CAMSAP2: variants seen among roughly 807,000 people sequenced by gnomAD.
CAMSAP2 encodes calmodulin regulated spectrin associated protein family member 2, also known as calmodulin-regulated spectrin-associated protein 2.
A neutral mutation model predicts 146.1 loss-of-function variants in CAMSAP2; 26 were observed. The observed-to-expected ratio is 0.18, with a 90% CI of 0.13 to 0.25. The LOEUF is 0.25. Among genes scored for constraint, CAMSAP2 ranks in the 10% least tolerant of loss-of-function variants. CAMSAP2 has a pLI of 1.00. For missense variants in CAMSAP2, 1,381 were observed against 1,759.3 expected, an observed-to-expected ratio of 0.78 and a Z score of 3.85; for synonymous variants, 499 against 596.6, an observed-to-expected ratio of 0.84 and a Z score of 2.38.
chr1:200,848,127 G>A lies in CAMSAP2; in HGVS notation c.1358G>A (p.Ser453Asn). 6.2e-7 allele frequency: 1 copy of A among 1,612,782 alleles called. No homozygotes were observed. Among genetic ancestry groups the A allele is most frequent in the Non-Finnish European group, 8.5e-7 (1 of 1,179,352 alleles). The change falls in exon 11 of 17, where the codon AGT becomes AAT. Residue 453 changes from serine (S) to asparagine (N), a missense_variant. Physicochemically the swap from Ser to Asn is conservative, Grantham distance 46 (BLOSUM62 1). Transcript: ENST00000358823. Reference sequence around the variant, plus strand: ...AACCGAGGAATCACTCGTTCTATTAGTAATGAAGGACTTACTCTGAACAAC... The same window carrying A: ...AACCGAGGAATCACTCGTTCTATTAATAATGAAGGACTTACTCTGAACAAC... ...TPNRGITRSI[S>N]NEGLTLNNSH...
chr1:200,801,591 T>C, intron 2 of CAMSAP2, among the ~76,000 whole-genome samples: 1 of 152,264 alleles, frequency 6.6e-6, no homozygotes. Flanking sequence ...GTTTGGTCTT[T>C]TCACATAGTC....
intron 2 of CAMSAP2, among the ~76,000 whole-genome samples, chr1:200,787,377 G>A (rs897944499): frequency 2.1e-4 from 32 of 152,166 alleles, no homozygotes; most frequent in Admixed American, 5.9e-4. Flanking sequence ...CCAACTTTTA[G>A]GGATGACTTT....
chr1:200,791,244 G>C (rs1207414449), intron 2 of CAMSAP2, among the ~76,000 whole-genome samples: 2 of 152,154 alleles, frequency 1.3e-5, no homozygotes, highest in African/African-American at 4.8e-5. Flanking sequence ...ATTCTTATCA[G>C]ATTTCCTCTG....
At chr1:200,814,567 G>A (rs1342970729) in intron 3 of CAMSAP2, among the ~76,000 whole-genome samples, 1 of 126,130 alleles carries the variant, frequency 7.9e-6, no homozygotes, top group East Asian at 2.5e-4. Context: ...CTGACACAGT[G>A]CCACTGCACT....
chr1:200,832,148 C>T lies in CAMSAP2; in HGVS notation c.646-52C>T. On this transcript the variant is annotated intron_variant, in intron 4 of 16. Transcript: ENST00000358823. The surrounding 1 kb of genome is among the most constrained non-coding windows in gnomAD (Gnocchi z 4.2). Reference sequence around the variant, plus strand: ...AGAATTTACAGTACTGATTTTTTTCCTATGCGTTATTTGGTACTTATTTAT... The same window carrying T: ...AGAATTTACAGTACTGATTTTTTTCTTATGCGTTATTTGGTACTTATTTAT... 2 of 1,442,572 alleles carry T rather than the reference C, an allele frequency of 1.4e-6. No individual in the cohort carries two copies. The highest frequency in any genetic ancestry group is 1.9e-6 in the Non-Finnish European group (2 of 1,067,098). 89.4% of individuals were successfully genotyped at this position (1,442,572 alleles called of 1,614,324 possible).
In CAMSAP2 at chr1:200,832,477, A is replaced by G; in HGVS notation, c.787+136A>G. 1.1e-6 allele frequency: 1 copy of G among 898,720 alleles called. No homozygotes were observed. The highest frequency in any genetic ancestry group is 3.3e-5 in the Admixed American group (1 of 30,158). The allele number at this position is 898,720 out of a possible 1,614,324, so 55.7% of individuals were successfully genotyped here. ...AAAAAGACAATATTATTTAATAAGT[A>G]CTGAAGACTTTTTTTTAAAAATAAA... is the stretch of plus-strand genomic sequence containing the variant. On this transcript the variant is annotated intron_variant, in intron 5 of 16. Coordinates refer to ENST00000358823, the MANE Select transcript of CAMSAP2 (RefSeq NM_203459.4). This position sits in a 1 kb window ranked among gnomAD's most constrained non-coding sequence, Gnocchi z 4.2.
chr1:200,748,710 G>A (rs995417092), intron 1 of CAMSAP2, among the ~76,000 whole-genome samples: 12 of 149,760 alleles, frequency 8.0e-5, no homozygotes, highest in African/African-American at 2.0e-4. Context: ...CTCTGTATTC[G>A]TTATAAATTG....
chr1:200,779,748 A>AT (rs749021825), intron 2 of CAMSAP2, among the ~76,000 whole-genome samples: 105 of 151,164 alleles, frequency 6.9e-4, no homozygotes, highest in Non-Finnish European at 1.2e-3. Context: ...TTTTTTTCTG[A>AT]TTTTTTTTCC....
At chr1:200,831,814 C>T (rs1048964172) in intron 4 of CAMSAP2, among the ~76,000 whole-genome samples, 1 of 151,628 alleles carries the variant, frequency 6.6e-6, no homozygotes, top group Non-Finnish European at 1.5e-5. Flanking sequence ...TTGCTCTTCC[C>T]GTATAAGAAT....
rs146464998 is a variant in CAMSAP2, at chr1:200,830,140, G to A, written c.646-2060G>A. ...TACAAAAGACTCTTTCATGAACTGC[G>A]GATGAACCTTCTGAGTGCTGGACAT... On this transcript the variant is annotated intron_variant, in intron 4 of 16. Transcript: ENST00000358823. Among the ~76,000 whole-genome samples, 303 of 152,286 alleles carry A rather than the reference G, an allele frequency of 2.0e-3. 2 individuals carry two copies. In the Middle Eastern group the frequency reaches 0.02, roughly 10 times the overall value.
At chr1:200,815,955 G>T (rs1352714057) in intron 4 of CAMSAP2, among the ~76,000 whole-genome samples, 2 of 152,166 alleles carry the variant, frequency 1.3e-5, no homozygotes, top group East Asian at 3.8e-4. Flanking sequence ...AAATGTTCAG[G>T]CTTTATAATG....
chr1:200,842,997 A>G (rs191173190), intron 7 of CAMSAP2, among the ~76,000 whole-genome samples: 1 of 152,002 alleles, frequency 6.6e-6, no homozygotes, highest in East Asian at 1.9e-4. Context: ...AAAAAAAAAA[A>G]AAACTAGAGG....
intron 2 of CAMSAP2, among the ~76,000 whole-genome samples, chr1:200,780,139 A>G (rs1042152171): frequency 1.8e-4 from 28 of 152,334 alleles, no homozygotes; most frequent in African/African-American, 6.7e-4. Flanking sequence ...ATTTTGTTAA[A>G]AAGCATTATT....
chr1:200,755,153 A>G (rs982827431), intron 1 of CAMSAP2, among the ~76,000 whole-genome samples: 4 of 152,182 alleles, frequency 2.6e-5, no homozygotes, highest in Non-Finnish European at 5.9e-5. Flanking sequence ...ACATTTCTTC[A>G]AGGAGCAGTG....
chr1:200,746,495 A>G (rs1352716175), intron 1 of CAMSAP2, among the ~76,000 whole-genome samples: 1 of 152,196 alleles, frequency 6.6e-6, no homozygotes, highest in Admixed American at 6.6e-5. Flanking sequence ...TTTGAGGAAT[A>G]TAAAATGGTG....
chr1:200,743,712 G>A (rs1383091242), intron 1 of CAMSAP2, among the ~76,000 whole-genome samples: 2 of 151,896 alleles, frequency 1.3e-5, no homozygotes, highest in South Asian at 2.1e-4. Flanking sequence ...AGACCAAGGC[G>A]GGTGGATCAC....
chr1:200,817,303 A>G (rs568904405), intron 4 of CAMSAP2, among the ~76,000 whole-genome samples: 1 of 142,984 alleles, frequency 7.0e-6, no homozygotes, highest in East Asian at 2.1e-4. Context: ...TCCAAAATGT[A>G]CAGTATGGTT....
At position 200,853,226 on chromosome 1, in the gene CAMSAP2, G is replaced by C; in HGVS notation, c.3603-49G>C. 1 of 1,493,474 alleles carries C rather than the reference G, an allele frequency of 6.7e-7. No homozygotes were observed. The highest frequency in any genetic ancestry group is 9.3e-7 in the Non-Finnish European group (1 of 1,077,036). The allele number at this position is 1,493,474 out of a possible 1,614,324, so 92.5% of individuals were successfully genotyped here. On this transcript the variant is annotated intron_variant, in intron 12 of 16. Coordinates refer to ENST00000358823, the MANE Select transcript of CAMSAP2 (RefSeq NM_203459.4). The surrounding 1 kb of genome is among the most constrained non-coding windows in gnomAD (Gnocchi z 5.1). ...CAAATACATAACTCTCTCCTGTATG[G>C]TTTGTCTTTGGTATGCAGAATAAGA...
chr1:200,838,479 G>A (rs558347029), intron 6 of CAMSAP2, among the ~76,000 whole-genome samples: 7 of 152,108 alleles, frequency 4.6e-5, no homozygotes, highest in Middle Eastern at 3.4e-3. Flanking sequence ...TTTTTAGTAC[G>A]TAGATTCATT....
Sources: allele counts gnomAD v4.1 joint callset (sites outside exome capture counted in the v4.1 genomes callset), GRCh38; gene constraint gnomAD v4.1.1; non-coding constraint Gnocchi (gnomAD v3.1); transcripts MANE v1.5; gene names NCBI Gene and HGNC (gene_info 2026-07-23, HGNC 2026-07-21).